VPS13B: variants seen among roughly 807,000 people sequenced by gnomAD.
VPS13B encodes the protein vacuolar protein sorting 13 homolog B.
Under a neutral mutation model 426.4 loss-of-function variants are expected in VPS13B, and 285 were observed. The ratio of observed to expected loss-of-function variants is 0.67; its 90% CI spans 0.61 to 0.74. The LOEUF (loss-of-function observed/expected upper bound fraction) is 0.74, where lower values mean the gene tolerates loss of function less well. Ranked by LOEUF, VPS13B falls within the 30% of genes least tolerant of loss-of-function variation. The pLI is 0.00. For synonymous variants in VPS13B, 1,676 were observed against 1,676.4 expected, an observed-to-expected ratio of 1.00 and a Z score of 0.01; for missense variants, 4,537 against 4,782.6, an observed-to-expected ratio of 0.95 and a Z score of 1.51.
At chr8:99,725,376 A>G (rs1833299829) in intron 39 of VPS13B, among the ~76,000 whole-genome samples, 1 of 152,176 alleles carries the variant, frequency 6.6e-6, no homozygotes, top group Non-Finnish European at 1.5e-5. Context: ...CTCCCAATCT[A>G]ATGAGCAGGG....
chr8:99,869,396 G>A (rs904529308), intron 59 of VPS13B, among the ~76,000 whole-genome samples: 4 of 152,172 alleles, frequency 2.6e-5, no homozygotes, highest in Non-Finnish European at 4.4e-5. Context: ...AACAAACAGC[G>A]TCTGAAAGGA....
intron 23 of VPS13B, among the ~76,000 whole-genome samples, chr8:99,449,048 A>G (rs1818063472): frequency 6.6e-6 from 1 of 152,178 alleles, no homozygotes; most frequent in Non-Finnish European, 1.5e-5. Context: ...ATAAAGTAGG[A>G]AACCTGGAGT....
At chr8:99,717,681 C>T (rs1832977259) in intron 37 of VPS13B, among the ~76,000 whole-genome samples, 1 of 152,218 alleles carries the variant, frequency 6.6e-6, no homozygotes, top group East Asian at 1.9e-4. Flanking sequence ...ACTCACATTA[C>T]CCTCTAACCC....
chr8:99,767,665 G>C (rs1479157489), intron 40 of VPS13B, among the ~76,000 whole-genome samples: 1 of 152,074 alleles, frequency 6.6e-6, no homozygotes, highest in Non-Finnish European at 1.5e-5. Context: ...ACAGTGGCTC[G>C]CAGTTGTAAT....
intron 2 of VPS13B, among the ~76,000 whole-genome samples, chr8:99,027,318 CTT>C (rs879386090): frequency 6.9e-6 from 1 of 144,240 alleles, no homozygotes; most frequent in Non-Finnish European, 1.5e-5. Flanking sequence ...TGCTAATTGC[CTT>C]TTTTTTTTTA....
At chr8:99,413,467 T>G (rs994586727) in intron 21 of VPS13B, among the ~76,000 whole-genome samples, 1 of 152,164 alleles carries the variant, frequency 6.6e-6, no homozygotes, top group Non-Finnish European at 1.5e-5. Context: ...TCTTGTCTTC[T>G]GCTGGCTTCT....
chr8:99,457,936 T>A (rs1331877516), intron 23 of VPS13B, among the ~76,000 whole-genome samples: 1 of 152,204 alleles, frequency 6.6e-6, no homozygotes, highest in Non-Finnish European at 1.5e-5. Flanking sequence ...ATATATATAC[T>A]TTAAGTTTTA....
intron 30 of VPS13B, among the ~76,000 whole-genome samples, chr8:99,535,707 A>AT (rs1445152772): frequency 6.6e-6 from 1 of 152,160 alleles, no homozygotes; most frequent in African/African-American, 2.4e-5. Context: ...ACATGTTATC[A>AT]CAACCCAGCA....
At chr8:99,337,466 A>G (rs1453398865) in intron 19 of VPS13B, among the ~76,000 whole-genome samples, 1 of 152,012 alleles carries the variant, frequency 6.6e-6, no homozygotes. Context: ...ATACGTATGT[A>G]ACTAACCTGC....
intron 35 of VPS13B, chr8:99,696,010 TC>T: frequency 6.6e-6 from 1 of 152,656 alleles, no homozygotes; most frequent in East Asian, 1.9e-4. Flanking sequence ...GAGCAAATGT[TC>T]CATTTGGCTG....
intron 19 of VPS13B, among the ~76,000 whole-genome samples, chr8:99,383,778 G>A (rs553800785): frequency 3.9e-5 from 6 of 152,240 alleles, no homozygotes; most frequent in African/African-American, 1.2e-4. Flanking sequence ...CATCAGTGCT[G>A]TAGCATGTAT....
At chr8:99,670,975 GT>G (rs1830693932) in intron 35 of VPS13B, among the ~76,000 whole-genome samples, 1 of 152,014 alleles carries the variant, frequency 6.6e-6, no homozygotes, top group Non-Finnish European at 1.5e-5. Flanking sequence ...CGGCACACTG[GT>G]TTCATTTCCT....
At chr8:99,090,981 C>T (rs913696918) in intron 3 of VPS13B, among the ~76,000 whole-genome samples, 1 of 152,044 alleles carries the variant, frequency 6.6e-6, no homozygotes, top group African/African-American at 2.4e-5. Flanking sequence ...GATACACACC[C>T]ACATACCCAC....
chr8:99,067,150 C>T (rs960285308), intron 3 of VPS13B, among the ~76,000 whole-genome samples: 1 of 152,100 alleles, frequency 6.6e-6, no homozygotes, highest in Admixed American at 6.5e-5. Context: ...TAGGTATATA[C>T]CCAAAAGAAT....
chr8:99,643,960 C>T (rs1221186119), intron 34 of VPS13B, among the ~76,000 whole-genome samples: 3 of 152,138 alleles, frequency 2.0e-5, no homozygotes, highest in Non-Finnish European at 4.4e-5. Context: ...GTCTGCTTGG[C>T]GTTAGCCAAA....
At chr8:99,629,522 C>A (rs959642428) in intron 33 of VPS13B, among the ~76,000 whole-genome samples, 4 of 151,786 alleles carry the variant, frequency 2.6e-5, no homozygotes, top group African/African-American at 9.7e-5. Flanking sequence ...GGGAAGAGAG[C>A]AGTTATTGTG....
At chr8:99,614,252 T>C (rs942544298) in intron 33 of VPS13B, among the ~76,000 whole-genome samples, 8 of 150,236 alleles carry the variant, frequency 5.3e-5, no homozygotes, top group Non-Finnish European at 1.2e-4. Context: ...TTAAATTTTA[T>C]ACACACACAC....
chr8:99,381,418 C>G (rs1170824064), intron 19 of VPS13B, among the ~76,000 whole-genome samples: 1 of 152,108 alleles, frequency 6.6e-6, no homozygotes, highest in Non-Finnish European at 1.5e-5. Flanking sequence ...TGGGTATATA[C>G]CTTGTAATGG....
intron 56 of VPS13B, among the ~76,000 whole-genome samples, chr8:99,857,417 A>G (rs532872693): frequency 4.6e-5 from 7 of 152,228 alleles, no homozygotes; most frequent in East Asian, 3.9e-4. Flanking sequence ...CGTTAGGTAC[A>G]CCCTTACAGC....
Sources: allele counts gnomAD v4.1 joint callset (sites outside exome capture counted in the v4.1 genomes callset), GRCh38; gene constraint gnomAD v4.1.1; transcripts MANE v1.5; gene names NCBI Gene and HGNC (gene_info 2026-07-23, HGNC 2026-07-21).